Variants in PPFIA4 observed in about 807,000 individuals in gnomAD.
PPFIA4 encodes the protein liprin-alpha-4.
A neutral mutation model predicts 145.7 loss-of-function variants in PPFIA4; 98 were observed. That is an observed-to-expected ratio of 0.67 (90% confidence interval 0.57 to 0.80). The LOEUF (loss-of-function observed/expected upper bound fraction) is 0.80. Among genes scored for constraint, PPFIA4 ranks in the 30% least tolerant of loss-of-function variants. The pLI is 0.00. For synonymous variants in PPFIA4, 628 were observed against 649.6 expected (o/e 0.97, Z 0.51); for missense variants, 1,457 against 1,632.7 (o/e 0.89, Z 1.85).
At chr1:203,073,522 C>G (rs1159381723) in intron 28 of PPFIA4, among the ~76,000 whole-genome samples, 1 of 151,824 alleles carries the variant, frequency 6.6e-6, no homozygotes, top group African/African-American at 2.4e-5. Flanking sequence ...AGGGGAGGGT[C>G]TGGGGTCCAA....
chr1:203,050,297 G>A (rs1178877797), intron 13 of PPFIA4, among the ~76,000 whole-genome samples: 1 of 152,204 alleles, frequency 6.6e-6, no homozygotes, highest in Non-Finnish European at 1.5e-5. Flanking sequence ...GTGAGAGATG[G>A]AGCTTATCTC....
intron 13 of PPFIA4, 87 bp downstream of exon 13, chr1:203,049,854 C>T: frequency 8.5e-7 from 1 of 1,176,310 alleles, no homozygotes; most frequent in Non-Finnish European, 1.1e-6. Context: ...AAAGACTGCC[C>T]AGGACCTCAG....
chr1:203,048,169 G>A lies in PPFIA4; in HGVS notation c.1141-58G>A. 6 of 1,554,376 alleles carry A rather than the reference G, an allele frequency of 3.9e-6. No homozygotes were observed. The highest frequency in any genetic ancestry group is 5.3e-6 in the Non-Finnish European group (6 of 1,132,436). ...CTGGCACCAGGGTGCAGGGGATGCG[G>A]GGCCTGAGCAGGAAGAACAGAGATC... is the stretch of plus-strand genomic sequence containing the variant. On this transcript the variant is annotated intron_variant, in intron 9 of 29. Transcript: ENST00000295706. The surrounding 1 kb of genome is among the most constrained non-coding windows in gnomAD (Gnocchi z 5.8).
At chr1:203,058,956 C>T (rs1467724658) in intron 19 of PPFIA4, among the ~76,000 whole-genome samples, 2 of 152,144 alleles carry the variant, frequency 1.3e-5, no homozygotes, top group Non-Finnish European at 2.9e-5. Flanking sequence ...GGCTGAGGCT[C>T]CTGGGGAGAC....
Position 203,075,710 on chromosome 1 carries a change from G to C in PPFIA4, c.3527G>C (p.Gly1176Ala). The C allele has an allele frequency of 6.9e-7, 1 of 1,454,188 alleles. No individual in the cohort carries two copies. Among genetic ancestry groups the C allele is most frequent in the Non-Finnish European group, 9.1e-7 (1 of 1,099,020 alleles). The allele number at this position is 1,454,188 out of a possible 1,614,324, so 90.1% of individuals were successfully genotyped here. A position where few individuals can be genotyped will look rare whatever the true frequency, so the allele number is the denominator to read the frequency against. Residue 1176 changes from glycine (G) to alanine (A), a missense_variant, in exon 29 of 30, where the codon GGG becomes GCG. By Grantham distance (60) the Gly-to-Ala change is moderately conservative. Coordinates refer to ENST00000295706, the MANE Select transcript of PPFIA4 (RefSeq NM_001304331.2). This position sits in a 1 kb window ranked among gnomAD's most constrained non-coding sequence, Gnocchi z 4.1. ...GCGGGCTTCCGTGTGTCCACCCTGG[G>C]GACCCTGCAGCCCCCACCGGCCCCG... is the stretch of plus-strand genomic sequence containing the variant. ...LPAGFRVSTL[G>A]TLQPPPAPPK...
chr1:203,075,528 T>C lies in PPFIA4; in HGVS notation c.3394-49T>C. On this transcript the variant is annotated intron_variant, in intron 28 of 29. Transcript: ENST00000295706. The surrounding 1 kb of genome is among the most constrained non-coding windows in gnomAD (Gnocchi z 4.1). ...GCCCCCTCCAGGCAGGGCGTGAGGATGGCAATTCCAACAGGGCCCTCGGGC... is the reference window on the plus strand; with the variant it reads ...GCCCCCTCCAGGCAGGGCGTGAGGACGGCAATTCCAACAGGGCCCTCGGGC... 7.4e-7 allele frequency: 1 copy of C among 1,348,572 alleles called. No individual in the cohort carries two copies. Among genetic ancestry groups the C allele is most frequent in the East Asian group, 2.8e-5 (1 of 35,198 alleles). 83.5% of individuals were successfully genotyped at this position (1,348,572 alleles called of 1,614,324 possible).
rs186360513 is a variant in PPFIA4, at chr1:203,051,404, G to A, written c.1512-365G>A. On this transcript the variant is annotated intron_variant, in intron 13 of 29. Coordinates refer to ENST00000295706, the MANE Select transcript of PPFIA4 (RefSeq NM_001304331.2). The stretch of plus-strand genomic sequence containing the variant: ...CTCCCAGTGCCTGGAGCCCTCCTGC[G>A]CCACGTGTGTCAGATGGCCGGAGAG... The A allele has an allele frequency of 1.9e-5, 16 of 840,904 alleles. No homozygotes were observed. The African/African-American group carries it at 2.2e-4, about 12-fold the overall frequency. 52.1% of individuals were successfully genotyped at this position (840,904 alleles called of 1,614,324 possible).
chr1:203,047,833 T>C (rs1323928289), intron 9 of PPFIA4, among the ~76,000 whole-genome samples: 2 of 152,192 alleles, frequency 1.3e-5, no homozygotes, highest in African/African-American at 4.8e-5. Context: ...GAGCCAGGAT[T>C]TGAACCCAGG....
chr1:203,069,763 GC>G (rs1216196714), intron 27 of PPFIA4, among the ~76,000 whole-genome samples: 2,151 of 108,792 alleles, frequency 0.02, 39 homozygotes, highest in African/African-American at 0.07. Context: ...TGACCCCCCC[GC>G]CCCGCCCCCA....
chr1:203,034,725 G>A, intron 1 of PPFIA4: 1 of 456,644 alleles, frequency 2.2e-6, no homozygotes. Flanking sequence ...GGCTGGAGGA[G>A]GAGGACAGGG....
chr1:203,026,545 C>T lies in PPFIA4; in HGVS notation c.-484C>T, dbSNP rs1658391125. ...CAGCTACCTCGGCGCCGGCTCGGCTCTAGGACGTGTCGGGCTGCACGGGTC... is the reference window on the plus strand; with the variant it reads ...CAGCTACCTCGGCGCCGGCTCGGCTTTAGGACGTGTCGGGCTGCACGGGTC... On this transcript the variant is annotated 5_prime_UTR_variant, in exon 1 of 30. Transcript: ENST00000295706. The T allele has an allele frequency of 6.6e-6, 1 of 152,274 alleles. No individual in the cohort carries two copies. Among genetic ancestry groups the T allele is most frequent in the Non-Finnish European group, 1.5e-5 (1 of 68,108 alleles). 9.4% of individuals were successfully genotyped at this position (152,274 alleles called of 1,614,324 possible).
Position 203,076,500 on chromosome 1 carries a change from TTTC to T in PPFIA4, c.*111_*113del. 1 of 1,131,052 alleles carries T rather than the reference TTTC, an allele frequency of 8.8e-7. No individual in the cohort carries two copies. The highest frequency in any genetic ancestry group is 1.3e-6 in the Non-Finnish European group (1 of 763,594). 70.1% of individuals were successfully genotyped at this position (1,131,052 alleles called of 1,614,324 possible). A position where few individuals can be genotyped will look rare whatever the true frequency, so the allele number is the denominator to read the frequency against. On this transcript the variant is annotated 3_prime_UTR_variant, in exon 30 of 30. Transcript: ENST00000295706. ...CGCAGCTCCTAGTCTCGTCCGTGACTTTCCGGTTGCCCTGGATCTCAGAATATA... is the reference window on the plus strand; with the variant it reads ...CGCAGCTCCTAGTCTCGTCCGTGACTCGGTTGCCCTGGATCTCAGAATATA...
At chr1:203,045,290 C>T in intron 6 of PPFIA4, 78 bp from the exon 7 acceptor site, 2 of 1,316,510 alleles carry the variant, frequency 1.5e-6, no homozygotes, top group Non-Finnish European at 1.0e-6. Flanking sequence ...GCTGTTCCTC[C>T]TTCCACCCCT....
intron 14 of PPFIA4, among the ~76,000 whole-genome samples, chr1:203,052,715 G>C (rs1457193137): frequency 6.6e-6 from 1 of 152,190 alleles, no homozygotes; most frequent in African/African-American, 2.4e-5. Context: ...GAGGATGGGT[G>C]TTAGAGTACC....
At chr1:203,061,294 G>C (rs916750248) in intron 23 of PPFIA4, 2 of 563,944 alleles carry the variant, frequency 3.5e-6, no homozygotes, top group Non-Finnish European at 6.3e-6. Context: ...CAGCGGAGGA[G>C]AGTTGGGCTG....
intron 1 of PPFIA4, among the ~76,000 whole-genome samples, chr1:203,037,656 C>A (rs925862435): frequency 1.3e-5 from 2 of 152,210 alleles, no homozygotes; most frequent in African/African-American, 4.8e-5. Flanking sequence ...GACCATTGGG[C>A]TCCTGTGCCA....
Position 203,059,808 on chromosome 1 carries a change from C to G in PPFIA4, c.2540C>G (p.Pro847Arg). Reference sequence around the variant, plus strand: ...GAAGATGCCCGCAGGAAAGGAATGCCCTTTGCCCAGTGGGATGGTCCTACT... The same window carrying G: ...GAAGATGCCCGCAGGAAAGGAATGCGCTTTGCCCAGTGGGATGGTCCTACT... Reference protein sequence around the residue: ...LLEDARRKGMPFAQWDGPTVV... With the variant: ...LLEDARRKGMRFAQWDGPTVV... Residue 847 changes from proline to arginine, a missense_variant, in exon 21 of 30, where the codon CCC (proline) becomes CGC (arginine). By Grantham distance (103) the Pro-to-Arg change is moderately radical. Around this residue, in one of 3 missense-constraint regions of PPFIA4, gnomAD observed 848 missense variants for 1,046.7 expected, o/e 0.81. Coordinates refer to ENST00000295706, the MANE Select transcript of PPFIA4 (RefSeq NM_001304331.2). The G allele has an allele frequency of 6.2e-7, 1 of 1,613,486 alleles. No individual in the cohort carries two copies. The highest frequency in any genetic ancestry group is 8.5e-7 in the Non-Finnish European group (1 of 1,179,724).
At chr1:203,049,580 C>A in intron 12 of PPFIA4, 96 bp from the exon 13 acceptor site, 1 of 1,097,198 alleles carries the variant, frequency 9.1e-7, no homozygotes, top group Non-Finnish European at 1.2e-6. Flanking sequence ...TTCTCCCCAA[C>A]TCTGCTGTCC....
intron 13 of PPFIA4, among the ~76,000 whole-genome samples, chr1:203,050,072 G>A (rs906737836): frequency 2.6e-5 from 4 of 152,228 alleles, no homozygotes; most frequent in African/African-American, 9.6e-5. Flanking sequence ...CCTGAGAGAG[G>A]CCTGCACATC....
Sources: allele counts gnomAD v4.1 joint callset (sites outside exome capture counted in the v4.1 genomes callset), GRCh38; gene constraint gnomAD v4.1.1; regional missense constraint gnomAD v4.1.1; non-coding constraint Gnocchi (gnomAD v3.1); transcripts MANE v1.5; gene names NCBI Gene and HGNC (gene_info 2026-07-23, HGNC 2026-07-21).